CDH2: variants seen among roughly 807,000 people sequenced by gnomAD.
CDH2 encodes the protein cadherin-2.
In CDH2, 17 loss-of-function variants were observed where a neutral mutation model predicts 92.0. The ratio of observed to expected loss-of-function variants is 0.18; its 90% CI spans 0.13 to 0.28. The LOEUF (loss-of-function observed/expected upper bound fraction) is 0.28. CDH2 is among the 10% of genes least tolerant of loss of function. The pLI, the probability that CDH2 is intolerant of heterozygous loss-of-function variation, is 1.00. For synonymous variants in CDH2, 419 were observed against 415.9 expected (o/e 1.01, Z -0.09); for missense variants, 862 against 1,133.1 (o/e 0.76, Z 3.44).
At chr18:28,015,966 T>C (rs1403289045) in intron 2 of CDH2, among the ~76,000 whole-genome samples, 1 of 152,174 alleles carries the variant, frequency 6.6e-6, no homozygotes, top group Non-Finnish European at 1.5e-5. Flanking sequence ...ATCCCCTACC[T>C]CGTGCTGCTC....
At chr18:28,049,039 C>A (rs902097605) in intron 2 of CDH2, among the ~76,000 whole-genome samples, 1 of 152,150 alleles carries the variant, frequency 6.6e-6, no homozygotes, top group African/African-American at 2.4e-5. Flanking sequence ...GTGAACCTAA[C>A]TGATACTCCC....
chr18:27,942,660 C>T (rs1909168469), intron 6 of CDH2, among the ~76,000 whole-genome samples: 1 of 152,210 alleles, frequency 6.6e-6, no homozygotes, highest in African/African-American at 2.4e-5. Context: ...AAAGATTCAT[C>T]TTTCTTAGTG....
chr18:27,997,209 C>A (rs374527929), intron 7 of CDH2, among the ~76,000 whole-genome samples: 1 of 152,152 alleles, frequency 6.6e-6, no homozygotes, highest in Non-Finnish European at 1.5e-5. Context: ...ATCTTATGCA[C>A]GTGCAGCACA....
chr18:27,963,429 G>C lies in CDH2; in HGVS notation c.2442C>G (p.Ile814Met), dbSNP rs267605138. 6.2e-7 allele frequency: 1 copy of C among 1,614,054 alleles called. No individual in the cohort carries two copies. The highest frequency in any genetic ancestry group is 8.5e-7 in the Non-Finnish European group (1 of 1,180,000). The change falls in exon 15 of 16, where the codon ATC becomes ATG. Residue 814 changes from isoleucine (I) to methionine (M), a missense_variant. Transcript: ENST00000269141. ...GGACCGGATACTGGGGCTCGGCGTG[G>C]ATGGGTCTTTCATCCATTCGTCGGA... The part of the protein sequence containing the change: ...VGIRRMDERP[I>M]HAEPQYPVRS...
intron 2 of CDH2, among the ~76,000 whole-genome samples, chr18:28,106,042 C>G (rs905130108): frequency 1.3e-5 from 2 of 152,226 alleles, no homozygotes; most frequent in Non-Finnish European, 2.9e-5. Flanking sequence ...AAGTTCTCTG[C>G]TCAGGCAGTT....
chr18:28,011,778 T>A (rs533841547), intron 4 of CDH2, 68 bp downstream of exon 4: 5 of 1,464,360 alleles, frequency 3.4e-6, no homozygotes, highest in Middle Eastern at 1.8e-4. Context: ...GTAAAAAAAA[T>A]AGACAGAAAT....
intron 1 of CDH2, among the ~76,000 whole-genome samples, chr18:28,164,585 A>G (rs1427411579): frequency 6.6e-6 from 1 of 152,084 alleles, no homozygotes; most frequent in African/African-American, 2.4e-5. Context: ...TCTCCTCTAC[A>G]GGGTTGTCAT....
At chr18:28,076,780 CT>C (rs920333987) in intron 2 of CDH2, among the ~76,000 whole-genome samples, 29 of 150,676 alleles carry the variant, frequency 1.9e-4, no homozygotes, top group African/African-American at 7.1e-4. Context: ...TGAGGAGGCC[CT>C]TTTCATTTAT....
chr18:27,975,630 T>A (rs2143925820), intron 14 of CDH2, among the ~76,000 whole-genome samples: 1 of 152,308 alleles, frequency 6.6e-6, no homozygotes, highest in South Asian at 2.1e-4. Flanking sequence ...AGCTCTGCTG[T>A]CCGCAGACAG....
chr18:28,020,910 AT>A (rs2013392099), intron 2 of CDH2, among the ~76,000 whole-genome samples: 1 of 152,028 alleles, frequency 6.6e-6, no homozygotes, highest in African/African-American at 2.4e-5. Context: ...ACTGGGAGAG[AT>A]ATATGAAACT....
chr18:27,966,125 T>C (rs937021567), intron 14 of CDH2, among the ~76,000 whole-genome samples: 1 of 152,046 alleles, frequency 6.6e-6, no homozygotes, highest in Admixed American at 6.6e-5. Flanking sequence ...GGGTGAACTA[T>C]GAATAAGTAT....
Position 27,971,976 on chromosome 18 carries a change from C to T in CDH2, c.2350-8455G>A, listed in dbSNP as rs17522096. ...AAAGTCCGATAGTTGGGCTTGATTG[C>T]CCACATTAGGTCTGGTTCCCGAGAC... On this transcript the variant is annotated intron_variant, in intron 14 of 15. Transcript: ENST00000269141. Among the ~76,000 whole-genome samples, 424 of 152,218 alleles carry T rather than the reference C, an allele frequency of 2.8e-3. 5 individuals carry two copies. The highest frequency in any genetic ancestry group is 9.9e-3 in the African/African-American group (411 of 41,538).
chr18:27,971,343 ACTTGGTATTCAAAT>A (rs1371266766), intron 14 of CDH2, among the ~76,000 whole-genome samples: 1 of 145,468 alleles, frequency 6.9e-6, no homozygotes, highest in Non-Finnish European at 1.5e-5. Context: ...ACTAATACAT[ACTTGGTATTCAAAT>A]CTTTATCATT....
At chr18:27,988,199 T>C (rs1354175493) in intron 11 of CDH2, among the ~76,000 whole-genome samples, 1 of 152,100 alleles carries the variant, frequency 6.6e-6, no homozygotes, top group Non-Finnish European at 1.5e-5. Context: ...ACAGAGTGAC[T>C]AGAAGACATA....
chr18:28,144,457 G>A (rs1284733731), intron 2 of CDH2, among the ~76,000 whole-genome samples: 1 of 151,936 alleles, frequency 6.6e-6, no homozygotes, highest in Non-Finnish European at 1.5e-5. Context: ...TAACACACAA[G>A]CCTTGTAATG....
At chr18:28,034,122 A>C (rs1160540254) in intron 2 of CDH2, among the ~76,000 whole-genome samples, 1 of 152,050 alleles carries the variant, frequency 6.6e-6, no homozygotes, top group Non-Finnish European at 1.5e-5. Flanking sequence ...CAGTAAACCG[A>C]GTTATGGTCG....
At chr18:28,056,988 C>T (rs987834865) in intron 2 of CDH2, among the ~76,000 whole-genome samples, 1 of 152,134 alleles carries the variant, frequency 6.6e-6, no homozygotes. Context: ...TATTGTATGA[C>T]ACAGAAATAA....
chr18:28,133,618 A>G (rs1385513136), intron 2 of CDH2, among the ~76,000 whole-genome samples: 1 of 150,908 alleles, frequency 6.6e-6, no homozygotes, highest in Non-Finnish European at 1.5e-5. Flanking sequence ...CTTGGCATAT[A>G]TAAGTTGCTT....
chr18:28,120,398 C>T (rs12966169), intron 2 of CDH2, among the ~76,000 whole-genome samples: 1 of 151,978 alleles, frequency 6.6e-6, no homozygotes, highest in Non-Finnish European at 1.5e-5. Context: ...ATATGACCAA[C>T]TGAGAACTTG....
Sources: allele counts gnomAD v4.1 joint callset (sites outside exome capture counted in the v4.1 genomes callset), GRCh38; gene constraint gnomAD v4.1.1; transcripts MANE v1.5; gene names NCBI Gene and HGNC (gene_info 2026-07-23, HGNC 2026-07-21).